Variants in IRF5 observed in about 807,000 individuals in gnomAD.
IRF5 encodes the protein interferon regulatory factor 5.
A neutral mutation model predicts 55.1 loss-of-function variants in IRF5; 24 were observed. The ratio of observed to expected loss-of-function variants is 0.44; its 90% confidence interval spans 0.32 to 0.61. The LOEUF (loss-of-function observed/expected upper bound fraction) is 0.61. Ranked by LOEUF, IRF5 falls within the 20% of genes least tolerant of loss-of-function variation. IRF5 has a pLI of 0.07. For missense variants in IRF5, 499 were observed against 658.5 expected, an observed-to-expected ratio of 0.76 and a Z score of 2.65; for synonymous variants, 258 against 260.2, an observed-to-expected ratio of 0.99 and a Z score of 0.08.
At chr7:128,944,645 G>T (rs937652911) in intron 2 of IRF5, among the ~76,000 whole-genome samples, 1 of 152,280 alleles carries the variant, frequency 6.6e-6, no homozygotes, top group Admixed American at 6.5e-5. Context: ...CTTCCTGAGA[G>T]ATTTTTATGC....
intron 1 of IRF5, among the ~76,000 whole-genome samples, chr7:128,941,860 A>G (rs1158103254): frequency 6.6e-6 from 1 of 152,218 alleles, no homozygotes; most frequent in Non-Finnish European, 1.5e-5. Context: ...CGCCCGCAGC[A>G]TTCACTAACT....
intron 1 of IRF5, among the ~76,000 whole-genome samples, chr7:128,939,023 C>G (rs557000903): frequency 3.6e-5 from 2 of 56,328 alleles, no homozygotes; most frequent in African/African-American, 1.5e-4. Context: ...TGTGCCCCAG[C>G]GGAGCACGCG....
intron 2 of IRF5, among the ~76,000 whole-genome samples, chr7:128,945,026 T>G (rs185425165): frequency 6.6e-6 from 1 of 152,342 alleles, no homozygotes; most frequent in East Asian, 1.9e-4. Context: ...TCACCTCACC[T>G]AATTGCCATT....
In IRF5 at chr7:128,946,981, C is replaced by T. The variant is rs192829776; in HGVS notation, c.448-42C>T. On this transcript the variant is annotated intron_variant, in intron 4 of 8. Transcript: ENST00000357234. This position sits in a 1 kb window ranked among gnomAD's most constrained non-coding sequence, Gnocchi z 4.2. ...TCAGTGGAATAACCTGTCCTCCTTT[C>T]TCTCCCATCTCTTCCCTCCCTTGCT... 16,522 of 1,612,780 alleles carry T rather than the reference C, an allele frequency of 0.01. 96 individuals are homozygous for T. The highest frequency in any genetic ancestry group is 0.013 in the Non-Finnish European group (14,948 of 1,179,026).
At chr7:128,945,818 G>A (rs1008001740) in intron 2 of IRF5, 27 bp from the exon 3 acceptor site, 18 of 1,594,352 alleles carry the variant, frequency 1.1e-5, no homozygotes, top group Non-Finnish European at 1.5e-5. Context: ...GAGGTTCTCT[G>A]TGGTCGGCTA....
rs779776848 is a variant in IRF5 at position 128,948,262 on chromosome 7, C to T, written c.1233C>T (p.Ile411=). The T allele has an allele frequency of 1.9e-6, 3 of 1,613,738 alleles. No individual in the cohort carries two copies. Among genetic ancestry groups the T allele is most frequent in the Non-Finnish European group, 2.5e-6 (3 of 1,179,900 alleles). ...GQTNTPPPFE[I]FFCFGEEWPD... ...CCAACACCCCACCACCCTTCGAGAT[C>T]TTCTTCTGCTTTGGGGAAGAATGGC... The change falls in exon 8 of 9, where the codon ATC becomes ATT. Residue 411 remains isoleucine, a synonymous_variant. Coordinates refer to ENST00000357234, the MANE Select transcript of IRF5 (RefSeq NM_001098629.3). The surrounding 1 kb of genome is among the most constrained non-coding windows in gnomAD (Gnocchi z 4.6).
In IRF5 at chr7:128,946,556, G is replaced by C. The variant is rs371335617; in HGVS notation, c.441G>C (p.Glu147Asp). ...SFGAGEEEEE[E>D]EELQRMLPSL... Reference sequence around the variant, plus strand: ...GTGCAGGAGAGGAGGAGGAAGAAGAGGAAGAGGTGAGTGTGGGTTGAGGAG... The same window carrying C: ...GTGCAGGAGAGGAGGAGGAAGAAGACGAAGAGGTGAGTGTGGGTTGAGGAG... The change falls in exon 4 of 9, where the codon GAG becomes GAC. Residue 147 changes from glutamate to aspartate, a missense_variant. Physicochemically the swap from Glu to Asp is conservative, Grantham distance 45. Around this residue, in one of 2 missense-constraint regions of IRF5, gnomAD observed 305 missense variants for 340.2 expected, o/e 0.90. Transcript: ENST00000357234. The surrounding 1 kb of genome is among the most constrained non-coding windows in gnomAD (Gnocchi z 4.2). 6 of 1,599,638 alleles carry C rather than the reference G, an allele frequency of 3.8e-6. No individual in the cohort carries two copies. The highest frequency in any genetic ancestry group is 5.1e-6 in the Non-Finnish European group (6 of 1,171,502).
At chr7:128,939,048 G>A (rs1482731741) in intron 1 of IRF5, among the ~76,000 whole-genome samples, 2 of 149,578 alleles carry the variant, frequency 1.3e-5, no homozygotes, top group Non-Finnish European at 3.0e-5. Context: ...GGGTGGGGGC[G>A]GAGGGGAGGG....
At position 128,946,108 on chromosome 7, in the gene IRF5, G is replaced by A. The variant is rs1452689665; in HGVS notation, c.385+74G>A. The A allele has an allele frequency of 7.1e-7, 1 of 1,404,342 alleles. No individual in the cohort carries two copies. Among genetic ancestry groups the A allele is most frequent in the Non-Finnish European group, 9.5e-7 (1 of 1,047,700 alleles). 87.0% of individuals were successfully genotyped at this position (1,404,342 alleles called of 1,614,324 possible). A position where few individuals can be genotyped will look rare whatever the true frequency, so the allele number is the denominator to read the frequency against. On this transcript the variant is annotated intron_variant, in intron 3 of 8. Coordinates refer to ENST00000357234, the MANE Select transcript of IRF5 (RefSeq NM_001098629.3). The surrounding 1 kb of genome is among the most constrained non-coding windows in gnomAD (Gnocchi z 4.2). ...CTGGCCCCCAGCCATGAGCTCTTGG[G>A]TGCAGGCAGGCCAAGGGCCCCTCTA...
chr7:128,939,268 G>C lies in IRF5; in HGVS notation c.-12+1219G>C, dbSNP rs1321025035. Among the ~76,000 whole-genome samples, 6 of 152,134 alleles carry C rather than the reference G, an allele frequency of 3.9e-5. No homozygotes were observed. In the East Asian group the frequency reaches 9.6e-4, roughly 24 times the overall value. On this transcript the variant is annotated intron_variant, in intron 1 of 8. Transcript: ENST00000357234. The stretch of plus-strand genomic sequence containing the variant: ...GGGCTGAGGGGTTCCAAGAGTCAAG[G>C]GAAGCACTGGGAAATCACCCCTTTT...
At chr7:128,942,364 G>T (rs878989756) in intron 2 of IRF5, 88 bp downstream of exon 2, 9 of 1,240,440 alleles carry the variant, frequency 7.3e-6, no homozygotes, top group Non-Finnish European at 1.0e-5. Context: ...GCAGCTCCTC[G>T]AGGCTGGCCA....
intron 2 of IRF5, among the ~76,000 whole-genome samples, chr7:128,945,458 G>A (rs573903932): frequency 2.0e-5 from 3 of 152,320 alleles, no homozygotes; most frequent in Non-Finnish European, 4.4e-5. Flanking sequence ...GCAACTGTGA[G>A]GAGATCAAGA....
chr7:128,941,877 T>G (rs1423040142), intron 1 of IRF5, among the ~76,000 whole-genome samples, 194 bp from the exon 2 acceptor site: 2 of 152,178 alleles, frequency 1.3e-5, no homozygotes, highest in African/African-American at 4.8e-5. Context: ...AACTCGTAAC[T>G]CTCCTTCCCT....
rs140728667 is a variant in IRF5, at chr7:128,939,577, G to A, written c.-12+1528G>A. Among the ~76,000 whole-genome samples the A allele has an allele frequency of 3.2e-3, 481 of 152,250 alleles. 4 individuals are homozygous for A. The highest frequency in any genetic ancestry group is 9.4e-3 in the African/African-American group (392 of 41,528). On this transcript the variant is annotated intron_variant, in intron 1 of 8. Transcript: ENST00000357234. Reference sequence around the variant, plus strand: ...AGACCAACCCTGGGAGCAGCAGGGCGCCTGCTGTCTGGCCACTCTTACTAG... The same window carrying A: ...AGACCAACCCTGGGAGCAGCAGGGCACCTGCTGTCTGGCCACTCTTACTAG...
In IRF5 at chr7:128,949,723, G is replaced by A. The variant is rs1428277529; in HGVS notation, c.*905G>A. The A allele has an allele frequency of 6.6e-6, 1 of 152,170 alleles. No homozygotes were observed. Among genetic ancestry groups the A allele is most frequent in the African/African-American group, 2.4e-5 (1 of 41,410 alleles). 9.4% of individuals were successfully genotyped at this position (152,170 alleles called of 1,614,324 possible). ...GACCATTCAAATCTGTCACTCTCTT[G>A]TGTATATTCCTGTGCTATTAAATAT... On this transcript the variant is annotated 3_prime_UTR_variant, in exon 9 of 9. Transcript: ENST00000357234.
At position 128,949,061 on chromosome 7, in the gene IRF5, G is replaced by GA. The variant is rs1796490430; in HGVS notation, c.*246dup. 1 of 545,274 alleles carries GA rather than the reference G, an allele frequency of 1.8e-6. No individual in the cohort carries two copies. The highest frequency in any genetic ancestry group is 3.3e-6 in the Non-Finnish European group (1 of 305,140). 33.8% of individuals were successfully genotyped at this position (545,274 alleles called of 1,614,324 possible). A position where few individuals can be genotyped will look rare whatever the true frequency, so the allele number is the denominator to read the frequency against. On this transcript the variant is annotated 3_prime_UTR_variant, in exon 9 of 9. Transcript: ENST00000357234. ...CTCGGGAAATTCAGCCATGAGCAGG[G>GA]AAAGAACTCTCCCAACCCTGGGGCC...
rs769472846 is a variant in IRF5 at position 128,948,760 on chromosome 7, GAGCAGGCCTTGGTGTTGGC to G, written c.1488_1506del (p.Ala497ArgfsTer103). 6.2e-7 allele frequency: 1 copy of G among 1,611,924 alleles called. No individual in the cohort carries two copies. Among genetic ancestry groups the G allele is most frequent in the Non-Finnish European group, 8.5e-7 (1 of 1,180,028 alleles). ...CAGCCTGTGGCCCAGGCCCCTCCTG[GAGCAGGCCTTGGTGTTGGC>G]CAGGGGCCCTGGCCTATGCACCCAG... On this transcript the variant is annotated frameshift_variant, in exon 9 of 9. Coordinates refer to ENST00000357234, the MANE Select transcript of IRF5 (RefSeq NM_001098629.3). LOFTEE classifies it high-confidence loss of function. The surrounding 1 kb of genome is among the most constrained non-coding windows in gnomAD (Gnocchi z 4.6).
intron 2 of IRF5, 35 bp from the exon 3 acceptor site, chr7:128,945,810 G>C (rs767979346): frequency 6.3e-7 from 1 of 1,587,452 alleles, no homozygotes; most frequent in Non-Finnish European, 8.5e-7. Flanking sequence ...GCAGGGATGA[G>C]GTTCTCTGTG....
In IRF5 at chr7:128,948,811, T is replaced by C. The variant is rs759535681; in HGVS notation, c.1538T>C (p.Met513Thr). ...QGPWPMHPAG[M>T]Q ...CCCTGGCCTATGCACCCAGCTGGCA[T>C]GCAATAACAAGGCTGCAGACGGTGA... The change falls in exon 9 of 9, where the codon ATG becomes ACG. Residue 513 changes from methionine (M) to threonine (T), a missense_variant. Met to Thr is a moderately conservative substitution (Grantham distance 81, BLOSUM62 -1). Transcript: ENST00000357234. The surrounding 1 kb of genome is among the most constrained non-coding windows in gnomAD (Gnocchi z 4.6). 4 of 1,602,018 alleles carry C rather than the reference T, an allele frequency of 2.5e-6. No homozygotes were observed. In the South Asian group the frequency reaches 3.3e-5, roughly 13 times the overall value.
Sources: gnomAD v4.1 joint callset for allele counts (sites outside exome capture counted in the v4.1 genomes callset) on GRCh38, gnomAD v4.1.1 for gene constraint, gnomAD v4.1.1 regional missense constraint, Gnocchi (gnomAD v3.1) non-coding constraint, MANE v1.5 for transcripts, NCBI Gene and HGNC (gene_info 2026-07-23, HGNC 2026-07-21) for gene names.